Variants in EPHA5 observed in about 807,000 individuals in gnomAD.
The protein encoded by EPHA5 is EPH receptor A5.
EPHA5 carries 60 observed loss-of-function variants against 105.0 expected under a neutral mutation model. The observed-to-expected ratio is 0.57, with a 90% CI of 0.46 to 0.71. The LOEUF (loss-of-function observed/expected upper bound fraction) is 0.71. Ranked by LOEUF, EPHA5 falls within the 30% of genes least tolerant of loss-of-function variation. EPHA5 has a pLI of 0.00. For synonymous variants in EPHA5, 513 were observed against 449.1 expected (o/e 1.14, Z -1.80); for missense variants, 1,218 against 1,274.7 (o/e 0.96, Z 0.68).
At chr4:65,590,055 T>A (rs1202567461) in intron 3 of EPHA5, among the ~76,000 whole-genome samples, 1 of 152,200 alleles carries the variant, frequency 6.6e-6, no homozygotes, top group Non-Finnish European at 1.5e-5. Flanking sequence ...CAGCAGGAAC[T>A]TTCCAGCATT....
intron 2 of EPHA5, among the ~76,000 whole-genome samples, chr4:65,633,559 A>AT (rs911559209): frequency 6.6e-5 from 10 of 151,530 alleles, no homozygotes; most frequent in South Asian, 2.1e-4. Flanking sequence ...ATGTCAGGAG[A>AT]TTTTTTTTTC....
At chr4:65,508,384 A>G (rs13106590) in intron 3 of EPHA5, among the ~76,000 whole-genome samples, 7,093 of 152,178 alleles carry the variant, frequency 0.047, 280 homozygotes, top group African/African-American at 0.1. Flanking sequence ...CAACCAACAC[A>G]TTGTTATAAA....
Position 65,669,697 on chromosome 4 carries a change from T to C in EPHA5, c.46A>G (p.Ser16Gly). The C allele has an allele frequency of 7.7e-7, 1 of 1,302,672 alleles. No homozygotes were observed. 80.7% of individuals were successfully genotyped at this position (1,302,672 alleles called of 1,614,324 possible). A position where few individuals can be genotyped will look rare whatever the true frequency, so the allele number is the denominator to read the frequency against. The stretch of plus-strand genomic sequence containing the variant: ...GTGATGGGGGTGTCGCCGCCGCCGC[T>C]TGGGGGCCGCCGGCGTCCCGCACCC... ...PRGAGRRRPPSGGGDTPITPA... is the reference protein window; with the variant it reads ...PRGAGRRRPPGGGGDTPITPA... The change falls in exon 1 of 17, where the codon AGC becomes GGC. Residue 16 changes from serine (S) to glycine (G), a missense_variant. Ser to Gly is a moderately conservative substitution (Grantham distance 56, BLOSUM62 0). Transcript: ENST00000613740.
At chr4:65,620,339 C>G (rs1249061891) in intron 2 of EPHA5, among the ~76,000 whole-genome samples, 2 of 151,998 alleles carry the variant, frequency 1.3e-5, no homozygotes, top group African/African-American at 4.8e-5. Context: ...CTCTTGACTT[C>G]TTGCGATGCA....
intron 3 of EPHA5, among the ~76,000 whole-genome samples, chr4:65,583,048 A>G (rs1741790009): frequency 6.6e-6 from 1 of 151,624 alleles, no homozygotes; most frequent in East Asian, 1.9e-4. Context: ...GGCAATAGGT[A>G]TGTATTCTTA....
At chr4:65,351,291 C>T in intron 13 of EPHA5, 98 bp downstream of exon 13, 3 of 1,109,330 alleles carry the variant, frequency 2.7e-6, no homozygotes, top group Admixed American at 4.7e-5. Context: ...TTCTTTTTGA[C>T]TTTGTTGCAG....
chr4:65,464,871 A>C (rs1312911287), intron 5 of EPHA5, among the ~76,000 whole-genome samples: 1 of 152,106 alleles, frequency 6.6e-6, no homozygotes, highest in Non-Finnish European at 1.5e-5. Flanking sequence ...TCATTTATTT[A>C]TTCATTTAAA....
intron 5 of EPHA5, among the ~76,000 whole-genome samples, chr4:65,421,109 CT>C (rs1578078014): frequency 6.6e-6 from 1 of 152,046 alleles, no homozygotes; most frequent in African/African-American, 2.4e-5. Context: ...ATAAAATAAA[CT>C]TTTTTTATTC....
chr4:65,576,115 A>AAAG (rs1553943548), intron 3 of EPHA5, among the ~76,000 whole-genome samples: 6 of 45,688 alleles, frequency 1.3e-4, no homozygotes, highest in Admixed American at 4.6e-4. Context: ...AAAGAAAAGA[A>AAAG]AAAAGAAAAG....
intron 3 of EPHA5, among the ~76,000 whole-genome samples, chr4:65,548,898 T>C (rs766268227): frequency 6.6e-6 from 1 of 152,118 alleles, no homozygotes; most frequent in Non-Finnish European, 1.5e-5. Flanking sequence ...AATTGGGACT[T>C]AGGGAACTTG....
intron 3 of EPHA5, among the ~76,000 whole-genome samples, chr4:65,566,938 T>C (rs938288014): frequency 1.3e-5 from 2 of 151,650 alleles, no homozygotes; most frequent in African/African-American, 4.8e-5. Context: ...TGGGAATGTA[T>C]ATTTATGCAT....
chr4:65,602,335 A>G (rs2149442500), intron 2 of EPHA5, 31 bp from the exon 3 acceptor site: 2 of 1,476,938 alleles, frequency 1.4e-6, no homozygotes, highest in Non-Finnish European at 1.8e-6. Flanking sequence ...AGATAAAAAA[A>G]ATTCAAAAAA....
At chr4:65,379,826 G>A (rs1719380946) in intron 8 of EPHA5, among the ~76,000 whole-genome samples, 1 of 151,368 alleles carries the variant, frequency 6.6e-6, no homozygotes, top group Non-Finnish European at 1.5e-5. Flanking sequence ...TCATTTCCAC[G>A]AAATACGTTT....
intron 5 of EPHA5, among the ~76,000 whole-genome samples, chr4:65,454,207 G>A (rs931256197): frequency 3.3e-5 from 5 of 152,172 alleles, no homozygotes; most frequent in Middle Eastern, 3.4e-3. Context: ...TTGAACTCAG[G>A]AGGCGGAGGT....
Position 65,602,228 on chromosome 4 carries a change from T to A in EPHA5, c.323A>T (p.Asn108Ile), listed in dbSNP as rs767139493. The A allele has an allele frequency of 1.9e-6, 3 of 1,613,276 alleles. No individual in the cohort carries two copies. Among genetic ancestry groups the A allele is most frequent in the Non-Finnish European group, 2.5e-6 (3 of 1,180,018 alleles). ...ACTGGTCAAAAGCCAGTTATTCTGA[T>A]TCTGTTCCATCACTTTGCATACTTG... ...TYQVCKVMEQ[N>I]QNNWLLTSWI... Residue 108 changes from asparagine to isoleucine, a missense_variant, in exon 3 of 17, where the codon AAT becomes ATT. This residue lies in a region of EPHA5 where 233 missense variants were observed against 227.5 expected (regional missense o/e 1.02). Transcript: ENST00000613740.
chr4:65,490,805 T>C (rs1731330940), intron 4 of EPHA5, 93 bp from the exon 5 acceptor site: 14 of 1,290,890 alleles, frequency 1.1e-5, no homozygotes, highest in South Asian at 3.0e-5. Flanking sequence ...AAGGAAAAAA[T>C]AGATTTGCAA....
intron 5 of EPHA5, among the ~76,000 whole-genome samples, chr4:65,481,981 T>A (rs1341122112): frequency 3.3e-5 from 5 of 152,128 alleles, no homozygotes; most frequent in Non-Finnish European, 5.9e-5. Context: ...AATATGAAAG[T>A]TAAGGTGGAA....
intron 8 of EPHA5, among the ~76,000 whole-genome samples, chr4:65,393,220 G>A (rs1218708191): frequency 6.6e-6 from 1 of 152,116 alleles, no homozygotes; most frequent in Non-Finnish European, 1.5e-5. Flanking sequence ...CAGTCCACGT[G>A]CTTTGTATGA....
intron 5 of EPHA5, among the ~76,000 whole-genome samples, chr4:65,456,313 T>C (rs932326589): frequency 6.8e-5 from 10 of 147,720 alleles, no homozygotes; most frequent in South Asian, 2.1e-4. Flanking sequence ...TTCTTTACTC[T>C]GTTCTTCGAT....
Sources: gnomAD v4.1 joint callset for allele counts (sites outside exome capture counted in the v4.1 genomes callset) on GRCh38, gnomAD v4.1.1 for gene constraint, gnomAD v4.1.1 regional missense constraint, MANE v1.5 for transcripts, NCBI Gene and HGNC (gene_info 2026-07-23, HGNC 2026-07-21) for gene names.